FBN1: variants seen among roughly 807,000 people sequenced by gnomAD.
FBN1 encodes the protein fibrillin 1.
In FBN1, 29 loss-of-function variants were observed where a neutral mutation model predicts 365.1. That is an observed-to-expected ratio of 0.08 (90% confidence interval 0.06 to 0.11). The LOEUF is 0.11. FBN1 is among the 10% of genes least tolerant of loss of function. FBN1 has a pLI of 1.00. For missense variants in FBN1, 2,476 were observed against 3,703.2 expected, an observed-to-expected ratio of 0.67 and a Z score of 8.60; for synonymous variants, 1,210 against 1,270.5, an observed-to-expected ratio of 0.95 and a Z score of 1.01.
intron 2 of FBN1, among the ~76,000 whole-genome samples, chr15:48,630,974 T>C (rs1029238566): frequency 3.9e-5 from 6 of 152,156 alleles, no homozygotes; most frequent in African/African-American, 1.4e-4. Flanking sequence ...TGAATGAATA[T>C]GAAGCAACCG....
rs1459153455 is a variant in FBN1 at position 48,488,248 on chromosome 15, A to G, written c.3209-7T>C. 6.2e-7 allele frequency: 1 copy of G among 1,614,130 alleles called. No homozygotes were observed. Among genetic ancestry groups the G allele is most frequent in the Non-Finnish European group, 8.5e-7 (1 of 1,180,052 alleles). On this transcript the variant is annotated splice_polypyrimidine_tract_variant and splice_region_variant and intron_variant, in intron 26 of 65. Coordinates refer to ENST00000316623, the MANE Select transcript of FBN1 (RefSeq NM_000138.5). The stretch of plus-strand genomic sequence containing the variant: ...ATGCGGCATTCGTCAATGTCTGCAC[A>G]AAAACAGCAAGTGGCAGCAAATGAG...
chr15:48,472,776 T>A, intron 34 of FBN1, 100 bp from the exon 35 acceptor site: 1 of 1,531,212 alleles, frequency 6.5e-7, no homozygotes, highest in Non-Finnish European at 9.0e-7. Flanking sequence ...TTGGCATAAC[T>A]TCAATTTGAC....
rs746671939 is a variant in FBN1 at position 48,513,543 on chromosome 15, C to T, written c.1588+6G>A. On this transcript the variant is annotated splice_donor_region_variant and intron_variant, in intron 13 of 65. Coordinates refer to ENST00000316623, the MANE Select transcript of FBN1 (RefSeq NM_000138.5). ...CCACATTCCACGTCAGGAGCCAGGACCATACCTCGGCATTCTGTCCGCGTG... is the reference window on the plus strand; with the variant it reads ...CCACATTCCACGTCAGGAGCCAGGATCATACCTCGGCATTCTGTCCGCGTG... The T allele has an allele frequency of 1.9e-6, 3 of 1,613,942 alleles. No homozygotes were observed. The South Asian group carries it at 3.3e-5, about 18-fold the overall frequency.
chr15:48,517,832 T>C lies in FBN1; in HGVS notation c.1148-1470A>G, dbSNP rs150585518. 2.2e-3 allele frequency among the ~76,000 whole-genome samples: 328 copies of C among 152,304 alleles called. 1 individual carries two copies. Among genetic ancestry groups the C allele is most frequent in the Non-Finnish European group, 4.0e-3 (272 of 68,028 alleles). ...CTTCTATGCTAGTTTCAGCCATTAA[T>C]AGAAATTAGACTAATATTTTTCTTT... On this transcript the variant is annotated intron_variant, in intron 10 of 65. Transcript: ENST00000316623.
At chr15:48,617,167 T>G (rs1439750560) in intron 2 of FBN1, among the ~76,000 whole-genome samples, 1 of 143,364 alleles carries the variant, frequency 7.0e-6, no homozygotes, top group Non-Finnish European at 1.5e-5. Context: ...GTTTTGGGGG[T>G]TTTTTTTTGC....
At chr15:48,533,546 C>T (rs2043989798) in intron 8 of FBN1, among the ~76,000 whole-genome samples, 1 of 152,274 alleles carries the variant, frequency 6.6e-6, no homozygotes, top group Non-Finnish European at 1.5e-5. Context: ...TCTCAAATTA[C>T]TTTTCTGTTT....
At position 48,465,548 on chromosome 15, in the gene FBN1, A is replaced by T; in HGVS notation, c.4942+20T>A. On this transcript the variant is annotated intron_variant, in intron 40 of 65. Transcript: ENST00000316623. ...TTCTTGATATCTGCAAGACCTTATC[A>T]TCCTACCAGGACCATTTACCATCAC... 3.1e-6 allele frequency: 5 copies of T among 1,613,950 alleles called. No homozygotes were observed. Among genetic ancestry groups the T allele is most frequent in the Non-Finnish European group, 3.4e-6 (4 of 1,179,856 alleles).
At position 48,483,920 on chromosome 15, in the gene FBN1, G is replaced by A. The variant is rs766032746; in HGVS notation, c.3736C>T (p.Pro1246Ser). The part of the protein sequence containing the change: ...CTDIDECEDN[P>S]NICDGGQCTN... Reference sequence around the variant, plus strand: ...CACTGACCACCATCACAGATATTGGGATTATCTTCACACTCATCGATGTCT... The same window carrying A: ...CACTGACCACCATCACAGATATTGGAATTATCTTCACACTCATCGATGTCT... The change falls in exon 31 of 66, where the codon CCC (proline) becomes TCC (serine). Residue 1246 changes from proline to serine, a missense_variant. Physicochemically the swap from Pro to Ser is moderately conservative, Grantham distance 74. This residue lies in a region of FBN1 where 1,780 missense variants were observed against 2,840.8 expected (regional missense o/e 0.63). Coordinates refer to ENST00000316623, the MANE Select transcript of FBN1 (RefSeq NM_000138.5). 2 of 1,613,166 alleles carry A rather than the reference G, an allele frequency of 1.2e-6. No individual in the cohort carries two copies. The highest frequency in any genetic ancestry group is 2.2e-5 in the South Asian group (2 of 91,068).
rs768540741 is a variant in FBN1 at position 48,492,451 on chromosome 15, C to T, written c.2854+10G>A. On this transcript the variant is annotated intron_variant, in intron 24 of 65. Transcript: ENST00000316623. ...ATTATTATTAGAAAAATAATGAGCT[C>T]AGTATTTACCAAGACAGATCCTTCC... 6.2e-7 allele frequency: 1 copy of T among 1,611,808 alleles called. No individual in the cohort carries two copies.
rs75030401 is a variant in FBN1 at position 48,639,319 on chromosome 15, T to C, written c.164+5287A>G. ...TATGAGGATTCAATGAATTATCATA[T>C]GCAAAACAGTAAGAACAGTGCTTAG... On this transcript the variant is annotated intron_variant, in intron 2 of 65. Transcript: ENST00000316623. 4.3e-3 allele frequency among the ~76,000 whole-genome samples: 651 copies of C among 152,346 alleles called. 19 individuals carry two copies. In the East Asian group the frequency reaches 0.067, roughly 16 times the overall value.
At chr15:48,430,539 G>T in intron 56 of FBN1, 132 bp downstream of exon 56, 1 of 952,054 alleles carries the variant, frequency 1.1e-6, no homozygotes, top group Non-Finnish European at 1.7e-6. Flanking sequence ...ACCATGGAGA[G>T]TCCTGACATG....
At chr15:48,548,675 A>C (rs984934820) in intron 6 of FBN1, among the ~76,000 whole-genome samples, 2 of 152,232 alleles carry the variant, frequency 1.3e-5, no homozygotes, top group Non-Finnish European at 2.9e-5. Context: ...CATCTAAGGC[A>C]GCTAGTTAGA....
At chr15:48,422,210 G>A in intron 60 of FBN1, 142 bp from the exon 61 acceptor site, 2 of 697,788 alleles carry the variant, frequency 2.9e-6, no homozygotes, top group Non-Finnish European at 2.6e-6. Context: ...AAGGCAAGGA[G>A]AGACACAGGG....
At chr15:48,501,248 T>C (rs1017676025) in intron 17 of FBN1, among the ~76,000 whole-genome samples, 10 of 152,220 alleles carry the variant, frequency 6.6e-5, no homozygotes, top group Admixed American at 6.5e-5. Flanking sequence ...GATTAGGTCG[T>C]GAAGGCTCTA....
chr15:48,452,435 G>T, intron 45 of FBN1, 127 bp downstream of exon 45: 1 of 1,125,856 alleles, frequency 8.9e-7, no homozygotes, highest in South Asian at 1.3e-5. Flanking sequence ...TAATATTAGA[G>T]TTCATCAATC....
intron 60 of FBN1, among the ~76,000 whole-genome samples, chr15:48,423,979 G>A (rs924914851): frequency 6.6e-6 from 1 of 152,098 alleles, no homozygotes; most frequent in African/African-American, 2.4e-5. Context: ...TCTGCCCCCA[G>A]AGGTTAGAAA....
chr15:48,570,325 A>AG (rs1173627959), intron 6 of FBN1, among the ~76,000 whole-genome samples: 1 of 152,238 alleles, frequency 6.6e-6, no homozygotes, highest in African/African-American at 2.4e-5. Flanking sequence ...ATCACGTTCT[A>AG]GCAAATAAGA....
intron 2 of FBN1, among the ~76,000 whole-genome samples, chr15:48,615,224 G>A (rs1889628939): frequency 6.6e-6 from 1 of 152,182 alleles, no homozygotes; most frequent in South Asian, 2.1e-4. Context: ...TCCTGGAATA[G>A]TGTCAGAGCA....
intron 52 of FBN1, 105 bp from the exon 53 acceptor site, chr15:48,437,182 T>C: frequency 4.5e-6 from 5 of 1,104,972 alleles, no homozygotes; most frequent in Non-Finnish European, 6.9e-6. Flanking sequence ...AATAATGCAA[T>C]AATATAATTG....
Sources: allele counts gnomAD v4.1 joint callset (sites outside exome capture counted in the v4.1 genomes callset), GRCh38; gene constraint gnomAD v4.1.1; regional missense constraint gnomAD v4.1.1; transcripts MANE v1.5; gene names NCBI Gene and HGNC (gene_info 2026-07-23, HGNC 2026-07-21).